DRG2: variants seen among roughly 807,000 people sequenced by gnomAD.
DRG2 encodes developmentally-regulated GTP-binding protein 2.
A neutral mutation model predicts 53.4 loss-of-function variants in DRG2; 36 were observed. The observed-to-expected ratio is 0.67, with a 90% confidence interval of 0.52 to 0.89. The LOEUF (loss-of-function observed/expected upper bound fraction) is 0.89. Among genes scored for constraint, DRG2 ranks in the 40% least tolerant of loss-of-function variants. DRG2 has a pLI of 0.00. For synonymous variants in DRG2, 167 were observed against 192.1 expected (o/e 0.87, Z 1.08); for missense variants, 342 against 481.2 (o/e 0.71, Z 2.71).
chr17:18,100,803 G>C lies in DRG2; in HGVS notation c.631+144G>C. The C allele has an allele frequency of 1.2e-6, 1 of 800,896 alleles. No individual in the cohort carries two copies. The highest frequency in any genetic ancestry group is 3.4e-4 in the Middle Eastern group (1 of 2,954). 49.6% of individuals were successfully genotyped at this position (800,896 alleles called of 1,614,324 possible). On this transcript the variant is annotated intron_variant, in intron 7 of 12. Transcript: ENST00000225729. This position sits in a 1 kb window ranked among gnomAD's most constrained non-coding sequence, Gnocchi z 4.1. ...CTGCTGTCCATTCAAGTAGCCTCTG[G>C]GCAAGCTCCAGACTGCCAGGTCTGC...
chr17:18,100,662 A>G lies in DRG2; in HGVS notation c.631+3A>G. 3 of 1,613,300 alleles carry G rather than the reference A, an allele frequency of 1.9e-6. No individual in the cohort carries two copies. Among genetic ancestry groups the G allele is most frequent in the Non-Finnish European group, 2.5e-6 (3 of 1,179,706 alleles). ...GCAGCTCATCCTGCACGAATACAGT[A>G]TCCTTCCCTGAAAGACACGTGAAGG... On this transcript the variant is annotated splice_donor_region_variant and intron_variant, in intron 7 of 12. Transcript: ENST00000225729. The surrounding 1 kb of genome is among the most constrained non-coding windows in gnomAD (Gnocchi z 4.1).
intron 10 of DRG2, among the ~76,000 whole-genome samples, chr17:18,104,144 A>G (rs111980168): frequency 0.013 from 1,953 of 152,072 alleles, 47 homozygotes; most frequent in East Asian, 0.11. Flanking sequence ...GACAGGCCCT[A>G]CCGCAGGAGC....
At chr17:18,091,184 C>T (rs190735053) in intron 1 of DRG2, among the ~76,000 whole-genome samples, 305 of 152,306 alleles carry the variant, frequency 2.0e-3, no homozygotes, top group Non-Finnish European at 3.7e-3. Context: ...TGGGGAAGGG[C>T]GGAATTTACT....
intron 1 of DRG2, among the ~76,000 whole-genome samples, chr17:18,089,826 C>T (rs1314415899): frequency 6.6e-6 from 1 of 151,952 alleles, no homozygotes. Flanking sequence ...GTTTACAGGT[C>T]AACAGGACTG....
In DRG2 at chr17:18,100,610, G is replaced by T. The variant is rs552176830; in HGVS notation, c.582G>T (p.Thr194=). 4.3e-6 allele frequency: 7 copies of T among 1,614,022 alleles called. No individual in the cohort carries two copies. The highest frequency in any genetic ancestry group is 2.7e-5 in the African/African-American group (2 of 74,932). ...GGGISFNSTV[T]LTQCSEKLVQ... is the part of the protein sequence containing the mutation. ...GCATCTCCTTTAACTCGACAGTCAC[G>T]CTGACCCAGTGCTCGGAAAAGCTGG... is the stretch of plus-strand genomic sequence containing the variant. Residue 194 remains threonine (T), a synonymous_variant, in exon 7 of 13, where the codon ACG becomes ACT. Coordinates refer to ENST00000225729, the MANE Select transcript of DRG2 (RefSeq NM_001388.5). The surrounding 1 kb of genome is among the most constrained non-coding windows in gnomAD (Gnocchi z 4.1).
intron 2 of DRG2, among the ~76,000 whole-genome samples, chr17:18,095,081 C>G (rs915352828): frequency 7.0e-6 from 1 of 142,814 alleles, no homozygotes; most frequent in African/African-American, 2.6e-5. Context: ...TGGAGTCTTG[C>G]TCGGCTCACT....
intron 11 of DRG2, among the ~76,000 whole-genome samples, chr17:18,104,986 C>T (rs951524215): frequency 3.9e-5 from 6 of 152,168 alleles, no homozygotes; most frequent in Admixed American, 1.3e-4. Context: ...TGCAGAGATG[C>T]CAGTAACCCT....
At position 18,093,861 on chromosome 17, in the gene DRG2, G is replaced by T; in HGVS notation, c.113G>T (p.Arg38Leu). 6.2e-7 allele frequency: 1 copy of T among 1,614,056 alleles called. No homozygotes were observed. Among genetic ancestry groups the T allele is most frequent in the Non-Finnish European group, 8.5e-7 (1 of 1,180,026 alleles). Residue 38 changes from arginine (R) to leucine (L), a missense_variant, in exon 2 of 13, where the codon CGG becomes CTG. By Grantham distance (102) the Arg-to-Leu change is moderately radical (BLOSUM62 -2). Coordinates refer to ENST00000225729, the MANE Select transcript of DRG2 (RefSeq NM_001388.5). ...CTGAAAGCTAAGCTCGCCAAGTATC[G>T]GGCCCAGCTCCTGGAACCGTCCAAA... ...GLLKAKLAKY[R>L]AQLLEPSKSA...
chr17:18,099,648 G>T lies in DRG2; in HGVS notation c.392G>T (p.Arg131Leu). 2 of 1,606,000 alleles carry T rather than the reference G, an allele frequency of 1.2e-6. No homozygotes were observed. The highest frequency in any genetic ancestry group is 1.7e-6 in the Non-Finnish European group (2 of 1,177,118). ...ACCCATCCAGGAAAAGGCCGTGGCC[G>T]GCAGGTGATCGCTGTGGCGCGCACG... Reference protein sequence around the residue: ...EGAAQGKGRGRQVIAVARTAD... With the variant: ...EGAAQGKGRGLQVIAVARTAD... The change falls in exon 5 of 13, where the codon CGG (arginine) becomes CTG (leucine). Residue 131 changes from arginine to leucine, a missense_variant. Arg to Leu is a moderately radical substitution (Grantham distance 102, BLOSUM62 -2). Transcript: ENST00000225729. The surrounding 1 kb of genome is among the most constrained non-coding windows in gnomAD (Gnocchi z 4.4).
chr17:18,107,651 A>G lies in DRG2; in HGVS notation c.*411A>G. The G allele has an allele frequency of 4.8e-6, 1 of 208,214 alleles. No individual in the cohort carries two copies. The highest frequency in any genetic ancestry group is 9.9e-6 in the Non-Finnish European group (1 of 101,122). 12.9% of individuals were successfully genotyped at this position (208,214 alleles called of 1,614,324 possible). On this transcript the variant is annotated 3_prime_UTR_variant, in exon 13 of 13. Transcript: ENST00000225729. ...TGCTGTCATGGCACCTCACTCCCTCAGCTCTTGCCAGCTTCTCTGACACTT... is the reference window on the plus strand; with the variant it reads ...TGCTGTCATGGCACCTCACTCCCTCGGCTCTTGCCAGCTTCTCTGACACTT...
At chr17:18,104,254 C>G (rs950539661) in intron 10 of DRG2, among the ~76,000 whole-genome samples, 2 of 152,140 alleles carry the variant, frequency 1.3e-5, no homozygotes, top group African/African-American at 4.8e-5. Context: ...CAGCTGAATT[C>G]GGAGCAGTTT....
intron 11 of DRG2, 86 bp downstream of exon 11, chr17:18,104,767 G>A: frequency 6.2e-7 from 1 of 1,600,798 alleles, no homozygotes; most frequent in Non-Finnish European, 8.5e-7. Flanking sequence ...CCCTGGGCTG[G>A]GGGTGGGCTC....
rs2045509678 is a variant in DRG2, at chr17:18,100,364, T to G, written c.469T>G (p.Ser157Ala). 6.2e-7 allele frequency: 1 copy of G among 1,613,978 alleles called. No individual in the cohort carries two copies. Among genetic ancestry groups the G allele is most frequent in the Non-Finnish European group, 8.5e-7 (1 of 1,180,018 alleles). The stretch of plus-strand genomic sequence containing the variant: ...GGGCTTAAGGGGTACTCTTCCTAGG[T>G]CTCTGCTGGAGAAGGAGCTGGAGTC... ...LDATKGEVQRSLLEKELESVG... is the reference protein window; with the variant it reads ...LDATKGEVQRALLEKELESVG... The change falls in exon 6 of 13, where the codon TCT (serine) becomes GCT (alanine). Residue 157 changes from serine to alanine, a missense_variant and splice_region_variant. Physicochemically the swap from Ser to Ala is moderately conservative, Grantham distance 99. Coordinates refer to ENST00000225729, the MANE Select transcript of DRG2 (RefSeq NM_001388.5). This position sits in a 1 kb window ranked among gnomAD's most constrained non-coding sequence, Gnocchi z 4.1.
In DRG2 at chr17:18,103,792, T is replaced by C. The variant is rs2045579627; in HGVS notation, c.807-9T>C. 1 of 1,614,020 alleles carries C rather than the reference T, an allele frequency of 6.2e-7. No homozygotes were observed. The highest frequency in any genetic ancestry group is 8.5e-7 in the Non-Finnish European group (1 of 1,179,964). On this transcript the variant is annotated splice_polypyrimidine_tract_variant and intron_variant, in intron 9 of 12. Transcript: ENST00000225729. This position sits in a 1 kb window ranked among gnomAD's most constrained non-coding sequence, Gnocchi z 4.4. ...GCCCCTGCCTGACTGGCCGCCTCCC[T>C]CTTTGCAGCTGCGGCATGAAGCTGA... is the stretch of plus-strand genomic sequence containing the variant.
At chr17:18,101,438 T>C (rs1298021076) in intron 7 of DRG2, 55 bp from the exon 8 acceptor site, 2 of 1,574,286 alleles carry the variant, frequency 1.3e-6, no homozygotes, top group Non-Finnish European at 1.7e-6. Flanking sequence ...GGCCCTCCGC[T>C]GATGGGGGAC....
intron 2 of DRG2, chr17:18,096,900 T>C (rs2045443138): frequency 6.6e-6 from 1 of 152,286 alleles, no homozygotes; most frequent in African/African-American, 2.4e-5. Context: ...CAGCTACCTT[T>C]TCTTGAGTGC....
At position 18,104,757 on chromosome 17, in the gene DRG2, C is replaced by T; in HGVS notation, c.954+76C>T. ...TTGGGGCTCTGTTCTGCCTGAGGTG[C>T]CCTGGGCTGGGGGTGGGCTCTGCTG... On this transcript the variant is annotated intron_variant, in intron 11 of 12. Coordinates refer to ENST00000225729, the MANE Select transcript of DRG2 (RefSeq NM_001388.5). The T allele has an allele frequency of 3.1e-6, 5 of 1,607,244 alleles. No homozygotes were observed. The South Asian group carries it at 3.3e-5, about 11-fold the overall frequency.
intron 9 of DRG2, among the ~76,000 whole-genome samples, chr17:18,102,634 A>G (rs906890566): frequency 4.0e-5 from 6 of 151,838 alleles, no homozygotes; most frequent in Non-Finnish European, 1.5e-5. Context: ...AAAAAAAAAA[A>G]AAAAAAAGAG....
intron 2 of DRG2, 22 bp downstream of exon 2, chr17:18,093,995 C>T (rs1396663595): frequency 2.5e-6 from 4 of 1,599,316 alleles, no homozygotes; most frequent in Non-Finnish European, 3.4e-6. Context: ...TCAGTGTGGG[C>T]CTCGGGGAGG....
Sources: allele counts gnomAD v4.1 joint callset (sites outside exome capture counted in the v4.1 genomes callset), GRCh38; gene constraint gnomAD v4.1.1; non-coding constraint Gnocchi (gnomAD v3.1); transcripts MANE v1.5; gene names NCBI Gene and HGNC (gene_info 2026-07-23, HGNC 2026-07-21).